Variants in CDH18 observed in about 807,000 individuals in gnomAD.
The protein encoded by CDH18 is cadherin 18.
Under a neutral mutation model 67.9 loss-of-function variants are expected in CDH18, and 31 were observed. That is an observed-to-expected ratio of 0.46 (90% CI 0.34 to 0.62). The LOEUF (loss-of-function observed/expected upper bound fraction) is 0.62. Ranked by LOEUF, CDH18 falls within the 20% of genes least tolerant of loss-of-function variation. CDH18 has a pLI of 0.01. For synonymous variants in CDH18, 362 were observed against 347.2 expected, an observed-to-expected ratio of 1.04 and a Z score of -0.48; for missense variants, 890 against 975.5, an observed-to-expected ratio of 0.91 and a Z score of 1.17.
chr5:20,047,685 A>AT (rs2150484200), intron 2 of CDH18, among the ~76,000 whole-genome samples: 1 of 151,946 alleles, frequency 6.6e-6, no homozygotes, highest in East Asian at 1.9e-4. Flanking sequence ...CAGAAAAGCC[A>AT]TTAGGAAGCA....
intron 1 of CDH18, among the ~76,000 whole-genome samples, chr5:20,374,763 T>C (rs1380695150): frequency 1.3e-5 from 2 of 152,080 alleles, no homozygotes; most frequent in Non-Finnish European, 2.9e-5. Context: ...CCAACAATAA[T>C]GACAATAATG....
At chr5:19,528,987 A>T (rs1367005793) in intron 9 of CDH18, among the ~76,000 whole-genome samples, 1 of 151,960 alleles carries the variant, frequency 6.6e-6, no homozygotes, top group African/African-American at 2.4e-5. Context: ...TTAAAAAAAA[A>T]ATCCACCTTA....
At chr5:20,547,428 G>A (rs1816265) in intron 1 of CDH18, among the ~76,000 whole-genome samples, 66,655 of 151,378 alleles carry the variant, frequency 0.44, 15,082 homozygotes, top group East Asian at 0.57. Flanking sequence ...GGGCATGGTG[G>A]CAGGTCCCTG....
At chr5:19,577,902 G>C (rs1039196158) in intron 7 of CDH18, among the ~76,000 whole-genome samples, 3 of 152,146 alleles carry the variant, frequency 2.0e-5, no homozygotes, top group Non-Finnish European at 4.4e-5. Context: ...TAATGACAAG[G>C]GTCCTTATAA....
chr5:20,450,907 A>T (rs1750395388), intron 1 of CDH18, among the ~76,000 whole-genome samples: 1 of 152,212 alleles, frequency 6.6e-6, no homozygotes, highest in Non-Finnish European at 1.5e-5. Context: ...GTCACGTCTT[A>T]CATGGCAGCA....
chr5:19,634,108 G>C (rs907318859), intron 5 of CDH18, among the ~76,000 whole-genome samples: 1 of 152,114 alleles, frequency 6.6e-6, no homozygotes, highest in African/African-American at 2.4e-5. Flanking sequence ...ATAAGCTTGT[G>C]GTGGCATGTA....
At chr5:19,796,282 A>C (rs2149831124) in intron 3 of CDH18, among the ~76,000 whole-genome samples, 1 of 152,258 alleles carries the variant, frequency 6.6e-6, no homozygotes, top group Non-Finnish European at 1.5e-5. Flanking sequence ...AACATAATTA[A>C]TCCTTTGAAA....
chr5:19,693,763 G>T (rs1227796084), intron 5 of CDH18, among the ~76,000 whole-genome samples: 1 of 151,918 alleles, frequency 6.6e-6, no homozygotes, highest in East Asian at 1.9e-4. Flanking sequence ...TCAGCATAGG[G>T]TGCCTGCCTG....
At chr5:20,219,552 T>C (rs1741057752) in intron 2 of CDH18, among the ~76,000 whole-genome samples, 1 of 146,662 alleles carries the variant, frequency 6.8e-6, no homozygotes, top group Non-Finnish European at 1.5e-5. Flanking sequence ...ATCAGAACAA[T>C]ATTCCTGATA....
At chr5:19,831,668 C>A (rs1781043954) in intron 3 of CDH18, among the ~76,000 whole-genome samples, 1 of 152,060 alleles carries the variant, frequency 6.6e-6, no homozygotes, top group African/African-American at 2.4e-5. Flanking sequence ...TTAATTAGTT[C>A]ATCCACTGTG....
intron 1 of CDH18, among the ~76,000 whole-genome samples, chr5:20,486,228 A>G (rs1348129612): frequency 1.3e-5 from 2 of 152,168 alleles, no homozygotes; most frequent in African/African-American, 2.4e-5. Flanking sequence ...CATTTCATTA[A>G]GTCGAAAATA....
chr5:19,904,171 G>T (rs1790263562), intron 2 of CDH18, among the ~76,000 whole-genome samples: 1 of 151,708 alleles, frequency 6.6e-6, no homozygotes, highest in Non-Finnish European at 1.5e-5. Flanking sequence ...CTACTCAGGA[G>T]GCTGAAGAAG....
intron 2 of CDH18, among the ~76,000 whole-genome samples, chr5:19,871,200 A>G (rs1786237379): frequency 6.6e-6 from 1 of 152,182 alleles, no homozygotes; most frequent in Admixed American, 6.6e-5. Context: ...AAAAAAATTC[A>G]CTAATAGAAT....
intron 1 of CDH18, among the ~76,000 whole-genome samples, chr5:20,560,511 A>G (rs375225898): frequency 6.8e-6 from 1 of 146,218 alleles, no homozygotes; most frequent in African/African-American, 2.6e-5. Context: ...ACACACACAC[A>G]CCCCTACATT....
chr5:20,008,716 A>G (rs1198653777), intron 2 of CDH18, among the ~76,000 whole-genome samples: 1 of 152,164 alleles, frequency 6.6e-6, no homozygotes, highest in African/African-American at 2.4e-5. Flanking sequence ...GTTTGCTGCC[A>G]AGCAATTTAT....
chr5:20,063,263 G>A (rs1742665893), intron 2 of CDH18, among the ~76,000 whole-genome samples: 2 of 150,876 alleles, frequency 1.3e-5, no homozygotes, highest in Admixed American at 6.6e-5. Flanking sequence ...ATTATTCCCA[G>A]TACCTTAACA....
At chr5:20,296,391 A>G (rs1747531270) in intron 1 of CDH18, among the ~76,000 whole-genome samples, 1 of 151,086 alleles carries the variant, frequency 6.6e-6, no homozygotes, top group Non-Finnish European at 1.5e-5. Flanking sequence ...CCTCCTGAGT[A>G]GCTGGGACTA....
In CDH18 at chr5:19,899,339, A is replaced by T. The variant is rs4489067; in HGVS notation, c.-256-60097T>A. On this transcript the variant is annotated intron_variant, in intron 2 of 12. Transcript: ENST00000382275. ...GGCTTGAACCTGCGAGGCAGAGGTC[A>T]CAGTGAGCCGAGATTGTGCCATTGC... Among the ~76,000 whole-genome samples the T allele has an allele frequency of 6.0e-5, 9 of 151,088 alleles. No homozygotes were observed. In the South Asian group the frequency reaches 6.3e-4, roughly 11 times the overall value.
At chr5:20,041,539 T>C (rs546181420) in intron 2 of CDH18, among the ~76,000 whole-genome samples, 1 of 152,180 alleles carries the variant, frequency 6.6e-6, no homozygotes, top group Non-Finnish European at 1.5e-5. Flanking sequence ...TCTCCTCCCG[T>C]GGAAACAAAT....
Sources: allele counts gnomAD v4.1 joint callset (sites outside exome capture counted in the v4.1 genomes callset), GRCh38; gene constraint gnomAD v4.1.1; transcripts MANE v1.5; gene names NCBI Gene and HGNC (gene_info 2026-07-23, HGNC 2026-07-21).